The following SCD5 variants were observed in gnomAD, a reference collection of about 807,000 sequenced individuals.
SCD5 encodes stearoyl-CoA desaturase 5.
In SCD5, 20 loss-of-function variants were observed where a neutral mutation model predicts 30.4. That is an observed-to-expected ratio of 0.66 (90% CI 0.46 to 0.96). SCD5 has a LOEUF of 0.96. SCD5 is among the 40% of genes least tolerant of loss of function. The pLI is 0.00. For missense variants in SCD5, 381 were observed against 443.3 expected (o/e 0.86, Z 1.26); for synonymous variants, 173 against 176.4 (o/e 0.98, Z 0.16).
intron 3 of SCD5, among the ~76,000 whole-genome samples, chr4:82,650,834 T>C (rs548633347): frequency 1.7e-5 from 1 of 60,566 alleles, no homozygotes; most frequent in South Asian, 4.2e-4. Context: ...ATGTTAATTA[T>C]ATATAAGATT....
chr4:82,717,654 G>C (rs6850821), intron 1 of SCD5, among the ~76,000 whole-genome samples: 1 of 151,714 alleles, frequency 6.6e-6, no homozygotes, highest in South Asian at 2.1e-4. Flanking sequence ...AGTGGCTCAC[G>C]CCTGTAATCC....
intron 1 of SCD5, among the ~76,000 whole-genome samples, chr4:82,770,720 T>C (rs1721601179): frequency 6.6e-6 from 1 of 152,240 alleles, no homozygotes; most frequent in South Asian, 2.1e-4. Flanking sequence ...CAATGGCTTC[T>C]TACCACAAGC....
chr4:82,670,043 C>G (rs373759116), intron 3 of SCD5, among the ~76,000 whole-genome samples: 24 of 152,334 alleles, frequency 1.6e-4, no homozygotes, highest in East Asian at 7.7e-4. Context: ...TCCCACCACA[C>G]TACTGAAGAC....
intron 1 of SCD5, among the ~76,000 whole-genome samples, chr4:82,727,073 T>A (rs1405419000): frequency 6.6e-6 from 1 of 152,130 alleles, no homozygotes; most frequent in Admixed American, 6.5e-5. Flanking sequence ...GTCCACCCCA[T>A]CTCACATCTT....
intron 1 of SCD5, among the ~76,000 whole-genome samples, chr4:82,719,529 AGC>A (rs1720313293): frequency 8.4e-5 from 12 of 143,302 alleles, no homozygotes; most frequent in Admixed American, 5.7e-4. Context: ...TTTGAGACGG[AGC>A]GTCGCTCTGT....
intron 2 of SCD5, among the ~76,000 whole-genome samples, chr4:82,695,198 T>C (rs900006736): frequency 4.6e-5 from 7 of 152,064 alleles, no homozygotes; most frequent in South Asian, 2.1e-4. Flanking sequence ...CAGGGCCCCA[T>C]AGAACATAAC....
At chr4:82,728,218 C>A (rs1449541467) in intron 1 of SCD5, among the ~76,000 whole-genome samples, 1 of 152,200 alleles carries the variant, frequency 6.6e-6, no homozygotes. Context: ...AGAATTCTGA[C>A]ATAGCTGATT....
chr4:82,736,040 C>T (rs924401229), intron 1 of SCD5, among the ~76,000 whole-genome samples: 1 of 152,192 alleles, frequency 6.6e-6, no homozygotes, highest in Non-Finnish European at 1.5e-5. Flanking sequence ...AATTCCAGCA[C>T]TTTAGGAGAC....
chr4:82,759,478 A>G (rs1381960620), intron 1 of SCD5, among the ~76,000 whole-genome samples: 1 of 151,800 alleles, frequency 6.6e-6, no homozygotes, highest in Admixed American at 6.6e-5. Context: ...GTCAAGCATG[A>G]CCCTTCACTT....
At chr4:82,768,624 G>A (rs568976167) in intron 1 of SCD5, among the ~76,000 whole-genome samples, 5 of 152,288 alleles carry the variant, frequency 3.3e-5, no homozygotes, top group Admixed American at 2.0e-4. Flanking sequence ...ATCATCTAGC[G>A]AGAGTAAGAT....
chr4:82,715,237 A>G (rs1013665932), intron 1 of SCD5, among the ~76,000 whole-genome samples: 1 of 95,588 alleles, frequency 1.0e-5, no homozygotes, highest in Admixed American at 1.1e-4. Flanking sequence ...ACTCCGTCTG[A>G]AAAAAAAAAA....
chr4:82,712,249 T>C (rs1720108670), intron 1 of SCD5, among the ~76,000 whole-genome samples: 3 of 11,508 alleles, frequency 2.6e-4, no homozygotes, highest in East Asian at 1.7e-3. Context: ...CTAACATATA[T>C]ATATATATAT....
intron 1 of SCD5, among the ~76,000 whole-genome samples, chr4:82,781,863 G>A (rs2148851541): frequency 6.6e-6 from 1 of 152,254 alleles, no homozygotes; most frequent in Admixed American, 6.5e-5. Context: ...TTCTGACATA[G>A]CAGCACAAAA....
At chr4:82,718,039 C>T (rs548858485) in intron 1 of SCD5, among the ~76,000 whole-genome samples, 1 of 147,520 alleles carries the variant, frequency 6.8e-6, no homozygotes, top group East Asian at 2.0e-4. Context: ...CTGCTGTCAT[C>T]ATCTGAACTG....
chr4:82,634,368 G>C (rs1167504110), intron 4 of SCD5, among the ~76,000 whole-genome samples: 1 of 151,916 alleles, frequency 6.6e-6, no homozygotes, highest in Non-Finnish European at 1.5e-5. Flanking sequence ...TCATCACATA[G>C]TTCTGCCACT....
chr4:82,755,692 G>A (rs950637674), intron 1 of SCD5, among the ~76,000 whole-genome samples: 3 of 152,162 alleles, frequency 2.0e-5, no homozygotes, highest in East Asian at 1.9e-4. Context: ...TTCAAAATAC[G>A]TCTAGTCTCC....
intron 4 of SCD5, among the ~76,000 whole-genome samples, chr4:82,632,126 G>C (rs1220467124): frequency 2.6e-5 from 4 of 151,630 alleles, no homozygotes; most frequent in African/African-American, 9.7e-5. Context: ...ATGTTGGTTT[G>C]CTGCACCCAT....
chr4:82,642,289 A>G (rs1465578834), intron 3 of SCD5, among the ~76,000 whole-genome samples: 2 of 152,202 alleles, frequency 1.3e-5, no homozygotes, highest in African/African-American at 4.8e-5. Flanking sequence ...CCTCTAGTAT[A>G]ACCTGCTGCT....
At chr4:82,679,226 A>G (rs59552830) in intron 3 of SCD5, among the ~76,000 whole-genome samples, 12,390 of 89,936 alleles carry the variant, frequency 0.14, 1,511 homozygotes, top group Admixed American at 0.17. Context: ...AAAGAAAAGA[A>G]AGAAAGAAAG....
Sources: gnomAD v4.1 joint callset for allele counts (sites outside exome capture counted in the v4.1 genomes callset) on GRCh38, gnomAD v4.1.1 for gene constraint, MANE v1.5 for transcripts, NCBI Gene and HGNC (gene_info 2026-07-23, HGNC 2026-07-21) for gene names.